The following DLG2 variants were observed in gnomAD, a reference collection of about 807,000 sequenced individuals.
The protein encoded by DLG2 is disks large homolog 2.
In DLG2, 45 loss-of-function variants were observed where a neutral mutation model predicts 132.5. The observed-to-expected ratio is 0.34, with a 90% CI of 0.27 to 0.44. The LOEUF is 0.44. Ranked by LOEUF, DLG2 falls within the 20% of genes least tolerant of loss-of-function variation. The pLI is 1.00. For synonymous variants in DLG2, 424 were observed against 419.6 expected (o/e 1.01, Z -0.13); for missense variants, 1,045 against 1,196.9 (o/e 0.87, Z 1.87).
At chr11:84,409,459 T>C (rs2098886105) in intron 7 of DLG2, among the ~76,000 whole-genome samples, 1 of 152,184 alleles carries the variant, frequency 6.6e-6, no homozygotes, top group African/African-American at 2.4e-5. Flanking sequence ...ATAGGGAAGG[T>C]AACATGATAA....
In DLG2 at chr11:85,050,213, A is replaced by G. The variant is rs547193426; in HGVS notation, c.357+61448T>C. Among the ~76,000 whole-genome samples, 15 of 152,088 alleles carry G rather than the reference A, an allele frequency of 9.9e-5. 1 individual carries two copies. In the South Asian group the frequency reaches 3.1e-3, roughly 32 times the overall value. The stretch of plus-strand genomic sequence containing the variant: ...AAGGTTCATGAAGTCTTTAGTGGGA[A>G]CAAAGAAGGAATTAAAAATGTACAC... On this transcript the variant is annotated intron_variant, in intron 6 of 27. Coordinates refer to ENST00000376104, the MANE Select transcript of DLG2 (RefSeq NM_001142699.3).
intron 8 of DLG2, among the ~76,000 whole-genome samples, chr11:84,200,875 G>A (rs1402354193): frequency 2.6e-5 from 4 of 152,026 alleles, no homozygotes; most frequent in Non-Finnish European, 5.9e-5. Context: ...TCTAAATATA[G>A]GTTCACTTTT....
At chr11:84,485,430 T>C (rs2099148280) in intron 7 of DLG2, among the ~76,000 whole-genome samples, 2 of 152,304 alleles carry the variant, frequency 1.3e-5, no homozygotes, top group Admixed American at 1.3e-4. Context: ...ACAAATTTAC[T>C]GAACTCATTC....
chr11:84,374,364 T>C (rs796642580), intron 7 of DLG2, among the ~76,000 whole-genome samples: 13 of 152,348 alleles, frequency 8.5e-5, no homozygotes, highest in African/African-American at 3.1e-4. Context: ...TGATTTTATG[T>C]TCTAAAGCAA....
intron 7 of DLG2, among the ~76,000 whole-genome samples, chr11:84,350,184 C>T (rs7105699): frequency 9.8e-6 from 1 of 102,194 alleles, no homozygotes; most frequent in Non-Finnish European, 2.2e-5. Flanking sequence ...TCCCCCCCCC[C>T]AAAAAAAAAA....
intron 6 of DLG2, among the ~76,000 whole-genome samples, chr11:84,640,717 C>T (rs11234103): frequency 0.086 from 13,109 of 152,018 alleles, 687 homozygotes; most frequent in South Asian, 0.18. Flanking sequence ...CAAGGCGTGA[C>T]GATCATGAGG....
At chr11:85,543,756 CAT>C (rs1238322595) in intron 3 of DLG2, among the ~76,000 whole-genome samples, 1 of 152,146 alleles carries the variant, frequency 6.6e-6, no homozygotes, top group South Asian at 2.1e-4. Flanking sequence ...AGCTTTTTCT[CAT>C]ATGTTTGTCG....
At position 84,638,082 on chromosome 11, in the gene DLG2, C is replaced by T. The variant is rs139905450; in HGVS notation, c.358-103351G>A. On this transcript the variant is annotated intron_variant, in intron 6 of 27. Transcript: ENST00000376104. ...GATTTCATCTTTGATTTAGCAGTTC[C>T]AACCTCTACTTTCATTTTGATCCAA... is the stretch of plus-strand genomic sequence containing the variant. Among the ~76,000 whole-genome samples the T allele has an allele frequency of 1.1e-4, 17 of 152,308 alleles. No homozygotes were observed. The East Asian group carries it at 3.1e-3, about 28-fold the overall frequency.
intron 6 of DLG2, among the ~76,000 whole-genome samples, chr11:84,779,452 AG>A (rs1565940488): frequency 1.3e-5 from 2 of 152,096 alleles, no homozygotes; most frequent in Admixed American, 1.3e-4. Context: ...CAAATCTAGG[AG>A]TTTTTTTGTG....
At chr11:84,067,071 G>C (rs1047796249) in intron 10 of DLG2, among the ~76,000 whole-genome samples, 4 of 152,034 alleles carry the variant, frequency 2.6e-5, no homozygotes, top group African/African-American at 9.7e-5. Flanking sequence ...AAAACTTTCA[G>C]TCCCTGTAAT....
At chr11:83,739,748 T>C (rs982489474) in intron 18 of DLG2, among the ~76,000 whole-genome samples, 3 of 152,204 alleles carry the variant, frequency 2.0e-5, no homozygotes, top group African/African-American at 7.2e-5. Context: ...ACAGGAAGAC[T>C]GAAAGGTAGA....
Position 83,965,311 on chromosome 11 carries a change from C to T in DLG2, c.1201+13G>A. ...AGTCTGGCATGCTATTTGAAGATGA[C>T]AATGGTACTTACAGTGAGTAATATC... On this transcript the variant is annotated intron_variant, in intron 13 of 27. Transcript: ENST00000376104. 1.3e-6 allele frequency: 2 copies of T among 1,595,186 alleles called. No homozygotes were observed. Among genetic ancestry groups the T allele is most frequent in the South Asian group, 1.1e-5 (1 of 87,716 alleles).
rs549893896 is a variant in DLG2, at chr11:85,525,439, G to C, written c.40+73218C>G. ...CATATATCCTAGCTAGTGTAGTAAA[G>C]CATGAAAAAGAAAAATAAAGAATGT... On this transcript the variant is annotated intron_variant, in intron 3 of 27. Transcript: ENST00000376104. 9.2e-5 allele frequency among the ~76,000 whole-genome samples: 14 copies of C among 152,180 alleles called. 1 individual carries two copies. The highest frequency in any genetic ancestry group is 3.1e-4 in the African/African-American group (13 of 41,516).
chr11:84,865,093 A>T (rs1478618523), intron 6 of DLG2, among the ~76,000 whole-genome samples: 2 of 152,186 alleles, frequency 1.3e-5, no homozygotes, highest in East Asian at 3.9e-4. Flanking sequence ...ATTCATAACA[A>T]ATATATAAAA....
At chr11:84,752,332 G>A (rs895322281) in intron 6 of DLG2, among the ~76,000 whole-genome samples, 14 of 152,096 alleles carry the variant, frequency 9.2e-5, no homozygotes, top group African/African-American at 2.9e-4. Context: ...ACATTCTAAT[G>A]AAAGAAACAG....
chr11:83,624,512 C>T (rs725193), intron 19 of DLG2, among the ~76,000 whole-genome samples: 1 of 152,146 alleles, frequency 6.6e-6, no homozygotes, highest in African/African-American at 2.4e-5. Context: ...TAATGGGTCT[C>T]AAAATATAAA....
chr11:83,843,874 C>A (rs2058096951), intron 16 of DLG2, among the ~76,000 whole-genome samples: 2 of 152,026 alleles, frequency 1.3e-5, no homozygotes, highest in South Asian at 4.2e-4. Flanking sequence ...ATTCTGAAAA[C>A]CCCTTTCATT....
At chr11:84,074,269 G>A (rs192248447) in intron 10 of DLG2, among the ~76,000 whole-genome samples, 1 of 151,958 alleles carries the variant, frequency 6.6e-6, no homozygotes, top group East Asian at 1.9e-4. Flanking sequence ...CAGTTTTTTT[G>A]TTATCTTTTA....
At chr11:85,091,800 C>A (rs1483516281) in intron 6 of DLG2, among the ~76,000 whole-genome samples, 2 of 152,186 alleles carry the variant, frequency 1.3e-5, no homozygotes, top group African/African-American at 4.8e-5. Context: ...TAGTCTAGTT[C>A]TCTTGCTATT....
Sources: allele counts gnomAD v4.1 joint callset (sites outside exome capture counted in the v4.1 genomes callset), GRCh38; gene constraint gnomAD v4.1.1; transcripts MANE v1.5; gene names NCBI Gene and HGNC (gene_info 2026-07-23, HGNC 2026-07-21).